Variants in CELA1 observed in about 807,000 individuals in gnomAD.
CELA1 encodes the protein chymotrypsin-like elastase family member 1.
CELA1 carries 28 observed loss-of-function variants against 34.8 expected under a neutral mutation model. That is an observed-to-expected ratio of 0.80 (90% confidence interval 0.60 to 1.10). The LOEUF (loss-of-function observed/expected upper bound fraction) is 1.10. CELA1 is among the 50% of genes least tolerant of loss of function. CELA1 has a pLI of 0.00. For missense variants in CELA1, 288 were observed against 327.5 expected (o/e 0.88, Z 0.93); for synonymous variants, 140 against 129.8 (o/e 1.08, Z -0.53).
In CELA1 at chr12:51,346,648, G is replaced by T. The variant is rs751951308; in HGVS notation, c.-10C>A. 4 of 1,568,078 alleles carry T rather than the reference G, an allele frequency of 2.6e-6. No individual in the cohort carries two copies. Among genetic ancestry groups the T allele is most frequent in the Non-Finnish European group, 3.5e-6 (4 of 1,147,994 alleles). The stretch of plus-strand genomic sequence containing the variant: ...CATAAAGGACCAGCATGTTGCCGAT[G>T]GAGTAGACCACTGCCTTCTTGCTTG... On this transcript the variant is annotated 5_prime_UTR_variant, in exon 1 of 8. Transcript: ENST00000293636.
At chr12:51,343,979 G>A (rs1946552624) in intron 2 of CELA1, 126 bp from the exon 3 acceptor site, 1 of 641,814 alleles carries the variant, frequency 1.6e-6, no homozygotes, top group Admixed American at 2.4e-5. Context: ...AGGATCAGTT[G>A]AGCCTAGGAG....
At position 51,344,830 on chromosome 12, in the gene CELA1, A is replaced by T. The variant is rs1452848381; in HGVS notation, c.99+965T>A. 2.0e-5 allele frequency among the ~76,000 whole-genome samples: 3 copies of T among 152,032 alleles called. No homozygotes were observed. In the East Asian group the frequency reaches 5.8e-4, roughly 30 times the overall value. On this transcript the variant is annotated intron_variant, in intron 2 of 7. Transcript: ENST00000293636. Reference sequence around the variant, plus strand: ...CTCCCCACTTCAGGGACTACTTAGAAATACCAATGGGAGGCCAGGCGCTGT... The same window carrying T: ...CTCCCCACTTCAGGGACTACTTAGATATACCAATGGGAGGCCAGGCGCTGT...
rs186053530 is a variant in CELA1 at position 51,334,567 on chromosome 12, G to A, written c.610-4734C>T. 2.4e-3 allele frequency among the ~76,000 whole-genome samples: 363 copies of A among 152,212 alleles called. 2 individuals carry two copies. The highest frequency in any genetic ancestry group is 8.4e-3 in the African/African-American group (347 of 41,538). ...TCCTTCCTCAGCCTCCCGAGTAGCT[G>A]GGACTACAGGCACCCGCCACCACAC... On this transcript the variant is annotated intron_variant, in intron 6 of 7. Transcript: ENST00000293636.
chr12:51,339,682 T>A (rs1203784955), intron 6 of CELA1, among the ~76,000 whole-genome samples, 178 bp downstream of exon 6: 1 of 152,216 alleles, frequency 6.6e-6, no homozygotes, highest in African/African-American at 2.4e-5. Context: ...CCTTTCAACT[T>A]TGAGTTTCTG....
chr12:51,342,633 C>G lies in CELA1; in HGVS notation c.268G>C (p.Val90Leu). ...LSQNDGTEQY[V>L]SVQKIVVHPY... ...TGCACCACGATCTTCTGCACACTCA[C>G]GTACTGCTCAGTGCCATCATTCTGG... The change falls in exon 4 of 8, where the codon GTG becomes CTG. Residue 90 changes from valine to leucine, a missense_variant. Physicochemically the swap from Val to Leu is conservative, Grantham distance 32 (BLOSUM62 1). Transcript: ENST00000293636. 3 of 1,614,164 alleles carry G rather than the reference C, an allele frequency of 1.9e-6. No individual in the cohort carries two copies. Among genetic ancestry groups the G allele is most frequent in the Non-Finnish European group, 2.5e-6 (3 of 1,180,034 alleles).
intron 2 of CELA1, among the ~76,000 whole-genome samples, chr12:51,344,569 T>G (rs1039451982): frequency 6.6e-6 from 1 of 151,918 alleles, no homozygotes; most frequent in African/African-American, 2.4e-5. Context: ...CATGCACCTG[T>G]AGTCCCAGCT....
chr12:51,329,369 AC>A (rs1316283917), intron 7 of CELA1, among the ~76,000 whole-genome samples: 1 of 152,092 alleles, frequency 6.6e-6, no homozygotes, highest in African/African-American at 2.4e-5. Flanking sequence ...GCCTTTCTGA[AC>A]CTGTTTTTCC....
At chr12:51,343,578 T>C (rs1946550013) in intron 3 of CELA1, among the ~76,000 whole-genome samples, 175 bp downstream of exon 3, 1 of 152,218 alleles carries the variant, frequency 6.6e-6, no homozygotes, top group Admixed American at 6.5e-5. Flanking sequence ...TGAGTCTCCC[T>C]GACTCCAAAG....
At chr12:51,334,297 C>A (rs1401063315) in intron 6 of CELA1, among the ~76,000 whole-genome samples, 1 of 152,208 alleles carries the variant, frequency 6.6e-6, no homozygotes, top group East Asian at 1.9e-4. Context: ...AGTCTATTTT[C>A]CCCCTTATTC....
intron 4 of CELA1, among the ~76,000 whole-genome samples, chr12:51,341,924 A>G (rs1024182429): frequency 6.6e-6 from 1 of 151,810 alleles, no homozygotes; most frequent in Non-Finnish European, 1.5e-5. Context: ...TAATGATAAA[A>G]CCCCCCATAG....
chr12:51,330,736 T>C (rs1001591281), intron 6 of CELA1, among the ~76,000 whole-genome samples: 12 of 152,106 alleles, frequency 7.9e-5, no homozygotes, highest in African/African-American at 1.2e-4. Context: ...TTTGGGAGGC[T>C]GAGGCGGGCG....
Position 51,346,608 on chromosome 12 carries a change from ACCATATC to A in CELA1, c.16+8_16+14del, listed in dbSNP as rs1340761608. On this transcript the variant is annotated splice_region_variant and intron_variant, in intron 1 of 7. Transcript: ENST00000293636. ...CATAAAGGACCAGGGTTGCGACTGG[ACCATATC>A]CACTTACCATAAAGGACCAGCATGT... is the stretch of plus-strand genomic sequence containing the variant. The A allele has an allele frequency of 6.8e-7, 1 of 1,478,476 alleles. No homozygotes were observed. Among genetic ancestry groups the A allele is most frequent in the Non-Finnish European group, 9.1e-7 (1 of 1,103,292 alleles). 91.6% of individuals were successfully genotyped at this position (1,478,476 alleles called of 1,614,324 possible). A position where few individuals can be genotyped will look rare whatever the true frequency, so the allele number is the denominator to read the frequency against.
intron 6 of CELA1, among the ~76,000 whole-genome samples, chr12:51,335,228 T>C (rs897112897): frequency 2.0e-5 from 3 of 152,154 alleles, no homozygotes; most frequent in Admixed American, 1.3e-4. Context: ...TACAGGATTC[T>C]TTCCTCTCTG....
chr12:51,338,321 T>G (rs984608061), intron 6 of CELA1, among the ~76,000 whole-genome samples: 3 of 122,404 alleles, frequency 2.5e-5, no homozygotes, highest in African/African-American at 8.8e-5. Flanking sequence ...TATATATATA[T>G]AGAAATCAAA....
chr12:51,333,408 T>G (rs1159476536), intron 6 of CELA1, among the ~76,000 whole-genome samples: 1 of 149,310 alleles, frequency 6.7e-6, no homozygotes, highest in Non-Finnish European at 1.5e-5. Context: ...TTTTTTTGTT[T>G]TTTTTTTTTT....
intron 6 of CELA1, among the ~76,000 whole-genome samples, chr12:51,338,287 C>CACACACACAT (rs1366687008): frequency 1.2e-4 from 15 of 124,310 alleles, no homozygotes; most frequent in African/African-American, 3.9e-4. Context: ...CACACACACA[C>CACACACACAT]ATACACATAC....
intron 6 of CELA1, 150 bp from the exon 7 acceptor site, chr12:51,329,983 G>T: frequency 1.6e-6 from 1 of 621,752 alleles, no homozygotes. Flanking sequence ...CAATCAAAAT[G>T]AATCTCTTCT....
At chr12:51,333,667 A>C (rs997973972) in intron 6 of CELA1, among the ~76,000 whole-genome samples, 1 of 152,186 alleles carries the variant, frequency 6.6e-6, no homozygotes, top group African/African-American at 2.4e-5. Context: ...TGCTGGGATT[A>C]TAGGCATGAG....
At chr12:51,341,078 A>T (rs921066868) in intron 5 of CELA1, among the ~76,000 whole-genome samples, 166 bp downstream of exon 5, 48 of 152,236 alleles carry the variant, frequency 3.2e-4, no homozygotes, top group Admixed American at 2.1e-3. Context: ...CAACTACTTC[A>T]CAGCCCATTC....
Sources: allele counts gnomAD v4.1 joint callset (sites outside exome capture counted in the v4.1 genomes callset), GRCh38; gene constraint gnomAD v4.1.1; transcripts MANE v1.5; gene names NCBI Gene and HGNC (gene_info 2026-07-23, HGNC 2026-07-21).